MAML3: variants seen among roughly 807,000 people sequenced by gnomAD.
MAML3 encodes mastermind like transcriptional coactivator 3.
Under a neutral mutation model 101.9 loss-of-function variants are expected in MAML3, and 27 were observed. The ratio of observed to expected loss-of-function variants is 0.27; its 90% confidence interval spans 0.20 to 0.37. MAML3 has a LOEUF of 0.37. MAML3 is among the 10% of genes least tolerant of loss of function. MAML3 has a pLI of 1.00. For missense variants in MAML3, 1,316 were observed against 1,444.9 expected (o/e 0.91, Z 1.45); for synonymous variants, 501 against 555.9 (o/e 0.90, Z 1.39).
intron 1 of MAML3, among the ~76,000 whole-genome samples, chr4:139,914,458 A>G (rs1732990486): frequency 3.9e-5 from 6 of 152,114 alleles, no homozygotes; most frequent in Admixed American, 3.9e-4. Context: ...GCCCCCAGGA[A>G]CCTTGATTTT....
rs568214563 is a variant in MAML3, at chr4:140,106,180, G to C, written c.468+46680C>G. 1.3e-4 allele frequency among the ~76,000 whole-genome samples: 20 copies of C among 151,276 alleles called. No individual in the cohort carries two copies. The South Asian group carries it at 3.8e-3, about 29-fold the overall frequency. On this transcript the variant is annotated intron_variant, in intron 1 of 4. Transcript: ENST00000509479. ...ATCTAAAACAATCTGGGGAGAGGAG[G>C]CTCAAATTAATTTTCCATTTCCTGT...
chr4:140,016,860 T>C (rs1726649879), intron 1 of MAML3, among the ~76,000 whole-genome samples: 1 of 152,114 alleles, frequency 6.6e-6, no homozygotes, highest in African/African-American at 2.4e-5. Context: ...ATAAAGATTT[T>C]AGGAAAAAAA....
chr4:140,149,569 G>A (rs1040803731), intron 1 of MAML3, among the ~76,000 whole-genome samples: 3 of 152,170 alleles, frequency 2.0e-5, no homozygotes, highest in African/African-American at 7.2e-5. Flanking sequence ...ATAATTAATC[G>A]ATATTTAGTA....
At chr4:139,772,165 G>C (rs1238890365) in intron 2 of MAML3, among the ~76,000 whole-genome samples, 7 of 141,274 alleles carry the variant, frequency 5.0e-5, no homozygotes, top group Admixed American at 4.4e-4. Flanking sequence ...GCGTGAACCC[G>C]GGAGGCGCAG....
intron 1 of MAML3, among the ~76,000 whole-genome samples, chr4:140,092,084 ATACG>A (rs1728064153): frequency 3.4e-5 from 2 of 59,664 alleles, no homozygotes; most frequent in Non-Finnish European, 5.1e-5. Flanking sequence ...ACGTATATAT[ATACG>A]TATATATATA....
At chr4:140,002,183 T>A (rs1259216584) in intron 1 of MAML3, among the ~76,000 whole-genome samples, 1 of 152,216 alleles carries the variant, frequency 6.6e-6, no homozygotes, top group African/African-American at 2.4e-5. Flanking sequence ...GAAAATTTTG[T>A]ATCTTTTGAC....
chr4:140,023,197 C>T (rs1330803924), intron 1 of MAML3, among the ~76,000 whole-genome samples: 1 of 152,196 alleles, frequency 6.6e-6, no homozygotes, highest in Non-Finnish European at 1.5e-5. Flanking sequence ...GAGAGCAAAT[C>T]AAGTTCCTAT....
chr4:139,720,503 A>C (rs1454133012), intron 4 of MAML3, among the ~76,000 whole-genome samples, 180 bp from the exon 5 acceptor site: 1 of 152,214 alleles, frequency 6.6e-6, no homozygotes, highest in Admixed American at 6.5e-5. Context: ...GATTGTGAAA[A>C]TTTTGAAAGT....
intron 1 of MAML3, among the ~76,000 whole-genome samples, chr4:140,035,357 A>C (rs1349640605): frequency 6.6e-6 from 1 of 152,172 alleles, no homozygotes. Flanking sequence ...TCCTTTCCAA[A>C]TCAGATATCT....
intron 1 of MAML3, among the ~76,000 whole-genome samples, chr4:139,892,296 T>A (rs1237351541): frequency 6.6e-6 from 1 of 152,180 alleles, no homozygotes; most frequent in Non-Finnish European, 1.5e-5. Context: ...TCATCACTGT[T>A]CCCCATCTCA....
chr4:140,107,349 G>A (rs1728368561), intron 1 of MAML3, among the ~76,000 whole-genome samples: 1 of 151,934 alleles, frequency 6.6e-6, no homozygotes, highest in Non-Finnish European at 1.5e-5. Flanking sequence ...CAGTTACTTG[G>A]GGCTTACATC....
At chr4:139,790,244 A>ATATATAT (rs1560795077) in intron 2 of MAML3, among the ~76,000 whole-genome samples, 14 of 95,446 alleles carry the variant, frequency 1.5e-4, no homozygotes, top group African/African-American at 2.3e-4. Context: ...TATATATATA[A>ATATATAT]ATAAATATAT....
intron 1 of MAML3, among the ~76,000 whole-genome samples, chr4:140,059,971 A>G (rs568352791): frequency 1.3e-5 from 2 of 152,358 alleles, no homozygotes; most frequent in African/African-American, 4.8e-5. Context: ...TGTGATATAT[A>G]TGATAGAATA....
intron 1 of MAML3, among the ~76,000 whole-genome samples, chr4:139,953,248 G>A (rs765307450): frequency 1.8e-4 from 27 of 152,194 alleles, no homozygotes; most frequent in Non-Finnish European, 3.1e-4. Context: ...GAAAGGGGTA[G>A]AAAAGAGATT....
At chr4:139,865,500 T>TTTTG (rs1560818436) in intron 2 of MAML3, among the ~76,000 whole-genome samples, 2 of 150,726 alleles carry the variant, frequency 1.3e-5, no homozygotes, top group African/African-American at 4.9e-5. Flanking sequence ...TTTTTTGTTT[T>TTTTG]TTTTTTTTTT....
intron 2 of MAML3, among the ~76,000 whole-genome samples, chr4:139,759,100 C>T (rs559146556): frequency 8.5e-5 from 13 of 152,316 alleles, no homozygotes; most frequent in African/African-American, 2.4e-4. Context: ...AGAACCTTCT[C>T]GCCCATGTGA....
intron 2 of MAML3, among the ~76,000 whole-genome samples, chr4:139,822,225 T>TCACCACCACCACCACCACCACCACCAC (rs34942904): frequency 3.2e-5 from 4 of 126,600 alleles, no homozygotes; most frequent in Non-Finnish European, 1.7e-5. Flanking sequence ...ATTATCACCA[T>TCACCACCACCACCACCACCACCACCAC]CACCACCACC....
chr4:139,817,036 G>A (rs1235245002), intron 2 of MAML3, among the ~76,000 whole-genome samples: 1 of 152,092 alleles, frequency 6.6e-6, no homozygotes, highest in Non-Finnish European at 1.5e-5. Flanking sequence ...ACACAGGCTA[G>A]GTGCTAGGCG....
intron 1 of MAML3, chr4:140,134,180 G>C (rs187115370): frequency 8.8e-6 from 4 of 456,730 alleles, no homozygotes; most frequent in African/African-American, 8.0e-5. Flanking sequence ...TTCTTAAAGG[G>C]AGAATATGTA....
Sources: gnomAD v4.1 joint callset for allele counts (sites outside exome capture counted in the v4.1 genomes callset) on GRCh38, gnomAD v4.1.1 for gene constraint, MANE v1.5 for transcripts, NCBI Gene and HGNC (gene_info 2026-07-23, HGNC 2026-07-21) for gene names.